The following OPCML variants were observed in gnomAD, a reference collection of about 807,000 sequenced individuals.
OPCML encodes opioid-binding protein/cell adhesion molecule.
OPCML carries 13 observed loss-of-function variants against 37.8 expected under a neutral mutation model. That is an observed-to-expected ratio of 0.34 (90% CI 0.22 to 0.55). The LOEUF is 0.55. OPCML is among the 20% of genes least tolerant of loss of function. OPCML has a pLI of 0.91. For missense variants in OPCML, 341 were observed against 435.6 expected (o/e 0.78, Z 1.93); for synonymous variants, 176 against 168.8 (o/e 1.04, Z -0.33).
chr11:132,703,443 G>C (rs1351826736), intron 2 of OPCML, among the ~76,000 whole-genome samples: 1 of 152,152 alleles, frequency 6.6e-6, no homozygotes, highest in Non-Finnish European at 1.5e-5. Flanking sequence ...GCCTTTGGTG[G>C]CACCATGCTT....
chr11:133,005,291 A>G (rs1947087950), intron 1 of OPCML: 2 of 985,318 alleles, frequency 2.0e-6, no homozygotes, highest in Admixed American at 1.2e-4. Flanking sequence ...AGAATGAATG[A>G]ATGAATGGCT....
At chr11:133,159,237 GC>G (rs1223511623) in intron 1 of OPCML, among the ~76,000 whole-genome samples, 1 of 152,188 alleles carries the variant, frequency 6.6e-6, no homozygotes, top group Non-Finnish European at 1.5e-5. Context: ...TGAATGGGAT[GC>G]TTCATTCCCA....
At chr11:132,639,419 T>A (rs1186651250) in intron 3 of OPCML, among the ~76,000 whole-genome samples, 1 of 152,186 alleles carries the variant, frequency 6.6e-6, no homozygotes, top group Non-Finnish European at 1.5e-5. Flanking sequence ...CCCTGCTGGA[T>A]GGTTGTAGAT....
chr11:132,905,093 T>G (rs1022137411), intron 2 of OPCML, among the ~76,000 whole-genome samples: 1 of 152,168 alleles, frequency 6.6e-6, no homozygotes, highest in Non-Finnish European at 1.5e-5. Context: ...TCCTTCAGTT[T>G]ACACAACACT....
At chr11:132,821,001 CA>C (rs1294270880) in intron 2 of OPCML, among the ~76,000 whole-genome samples, 3 of 152,312 alleles carry the variant, frequency 2.0e-5, no homozygotes, top group African/African-American at 7.2e-5. Flanking sequence ...TCTAATTGTG[CA>C]TCACTTGAAT....
At chr11:132,773,601 C>T (rs373328347) in intron 2 of OPCML, among the ~76,000 whole-genome samples, 47 of 152,278 alleles carry the variant, frequency 3.1e-4, no homozygotes, top group African/African-American at 1.1e-3. Flanking sequence ...TTGGTAAACA[C>T]GCAATGAGCT....
intron 3 of OPCML, among the ~76,000 whole-genome samples, chr11:132,559,269 G>T (rs1009118179): frequency 3.3e-5 from 5 of 152,050 alleles, no homozygotes; most frequent in African/African-American, 1.2e-4. Context: ...AAGGAAGCAG[G>T]TCTGCAGAAA....
At chr11:132,477,296 G>A (rs887074324) in intron 4 of OPCML, among the ~76,000 whole-genome samples, 2 of 152,202 alleles carry the variant, frequency 1.3e-5, no homozygotes, top group African/African-American at 4.8e-5. Context: ...GCTGCACCAG[G>A]TAGTTCCAGA....
chr11:133,464,961 G>C (rs796094653), intron 1 of OPCML, among the ~76,000 whole-genome samples: 19 of 152,264 alleles, frequency 1.2e-4, no homozygotes, highest in African/African-American at 4.3e-4. Context: ...ATGAGCGTGA[G>C]GGGCTAGACA....
chr11:132,568,920 T>C lies in OPCML; in HGVS notation c.380-39734A>G, dbSNP rs991016143. Among the ~76,000 whole-genome samples the C allele has an allele frequency of 6.6e-5, 10 of 152,342 alleles. No individual in the cohort carries two copies. The East Asian group carries it at 9.6e-4, about 15-fold the overall frequency. ...TAGCAGAGTGAATAAAGAAATATGTTGTGATATACAAAAACATCTTTAATA... is the reference window on the plus strand; with the variant it reads ...TAGCAGAGTGAATAAAGAAATATGTCGTGATATACAAAAACATCTTTAATA... On this transcript the variant is annotated intron_variant, in intron 3 of 7. Coordinates refer to ENST00000524381, the MANE Select transcript of OPCML (RefSeq NM_001012393.5).
chr11:133,024,484 C>T, intron 1 of OPCML: 1 of 985,358 alleles, frequency 1.0e-6, no homozygotes, highest in South Asian at 4.7e-5. Flanking sequence ...GGGCAGGTTT[C>T]ACGGGTAATG....
intron 1 of OPCML, among the ~76,000 whole-genome samples, chr11:133,239,726 G>C (rs754364590): frequency 1.3e-5 from 2 of 152,208 alleles, no homozygotes; most frequent in Non-Finnish European, 2.9e-5. Flanking sequence ...GTCAGGCAGT[G>C]TGAGATGACA....
intron 2 of OPCML, among the ~76,000 whole-genome samples, chr11:132,668,009 A>C (rs1018697219): frequency 1.3e-5 from 2 of 152,206 alleles, no homozygotes; most frequent in African/African-American, 4.8e-5. Flanking sequence ...GATTACAGGA[A>C]TTACAAAATA....
rs118134941 is a variant in OPCML at position 133,074,020 on chromosome 11, G to A, written c.62-131010C>T. Reference sequence around the variant, plus strand: ...AATATTAATCCATCTTCCATTCCACGCCATCCATTCTCTACATGAATGCCT... The same window carrying A: ...AATATTAATCCATCTTCCATTCCACACCATCCATTCTCTACATGAATGCCT... On this transcript the variant is annotated intron_variant, in intron 1 of 7. Coordinates refer to ENST00000524381, the MANE Select transcript of OPCML (RefSeq NM_001012393.5). Among the ~76,000 whole-genome samples, 43 of 152,160 alleles carry A rather than the reference G, an allele frequency of 2.8e-4. No individual in the cohort carries two copies. In the East Asian group the frequency reaches 6.8e-3, roughly 24 times the overall value.
At position 132,656,988 on chromosome 11, in the gene OPCML, G is replaced by A. The variant is rs1466471157; in HGVS notation, c.379+99C>T. On this transcript the variant is annotated intron_variant, in intron 3 of 7. Coordinates refer to ENST00000524381, the MANE Select transcript of OPCML (RefSeq NM_001012393.5). ...AACTCTGAATTCAGTAGAGGAAGAT[G>A]ACTTTTGTGTCTTCGCACACAGGTA... 2.6e-6 allele frequency: 4 copies of A among 1,521,198 alleles called. No individual in the cohort carries two copies. The African/African-American group carries it at 4.1e-5, about 16-fold the overall frequency. 94.2% of individuals were successfully genotyped at this position (1,521,198 alleles called of 1,614,324 possible).
At chr11:133,210,214 G>T (rs1169380956) in intron 1 of OPCML, among the ~76,000 whole-genome samples, 1 of 152,122 alleles carries the variant, frequency 6.6e-6, no homozygotes, top group Non-Finnish European at 1.5e-5. Context: ...ACAGTAATTG[G>T]GCTCTCCAAA....
At chr11:133,247,540 T>TTATCTTTCTTTCTTTC (rs1555122386) in intron 1 of OPCML, among the ~76,000 whole-genome samples, 3 of 122,408 alleles carry the variant, frequency 2.5e-5, no homozygotes, top group African/African-American at 1.0e-4. Context: ...CTTTCCTTCT[T>TTATCTTTCTTTCTTTC]TTTCTTTCTT....
intron 1 of OPCML, among the ~76,000 whole-genome samples, chr11:133,060,098 T>G (rs947516757): frequency 7.9e-5 from 12 of 152,124 alleles, no homozygotes; most frequent in Non-Finnish European, 1.5e-4. Context: ...CTCATGCTAC[T>G]AAACTTCAAA....
intron 1 of OPCML, among the ~76,000 whole-genome samples, chr11:133,096,256 G>C (rs968601407): frequency 1.3e-5 from 2 of 151,762 alleles, no homozygotes; most frequent in African/African-American, 2.4e-5. Flanking sequence ...CTACCTTTAA[G>C]ATACTTCCTA....
Sources: gnomAD v4.1 joint callset for allele counts (sites outside exome capture counted in the v4.1 genomes callset) on GRCh38, gnomAD v4.1.1 for gene constraint, MANE v1.5 for transcripts, NCBI Gene and HGNC (gene_info 2026-07-23, HGNC 2026-07-21) for gene names.